DLGAP1: variants seen among roughly 807,000 people sequenced by gnomAD.
DLGAP1 encodes DLG associated protein 1.
Under a neutral mutation model 90.8 loss-of-function variants are expected in DLGAP1, and 11 were observed. The ratio of observed to expected loss-of-function variants is 0.12; its 90% CI spans 0.08 to 0.20. DLGAP1 has a LOEUF of 0.20. Among genes scored for constraint, DLGAP1 ranks in the 10% least tolerant of loss-of-function variants. The pLI, the probability that DLGAP1 is intolerant of heterozygous loss-of-function variation, is 1.00. For missense variants in DLGAP1, 1,050 were observed against 1,333.8 expected (o/e 0.79, Z 3.31); for synonymous variants, 558 against 540.7 (o/e 1.03, Z -0.44).
At chr18:4,300,715 A>ATAAAC (rs2080104253) in intron 1 of DLGAP1, among the ~76,000 whole-genome samples, 1 of 152,122 alleles carries the variant, frequency 6.6e-6, no homozygotes, top group Non-Finnish European at 1.5e-5. Flanking sequence ...ATGGTTATAC[A>ATAAAC]CTTTGAGTTC....
chr18:4,384,135 C>T (rs1265481271), intron 1 of DLGAP1, among the ~76,000 whole-genome samples: 1 of 152,088 alleles, frequency 6.6e-6, no homozygotes, highest in East Asian at 1.9e-4. Flanking sequence ...AATATTCTAT[C>T]TGATGGATAA....
At chr18:4,034,520 T>C (rs1240200922) in intron 2 of DLGAP1, among the ~76,000 whole-genome samples, 3 of 152,190 alleles carry the variant, frequency 2.0e-5, no homozygotes, top group Non-Finnish European at 2.9e-5. Context: ...TTCACAAATA[T>C]ATAGTTGTCA....
chr18:4,052,217 T>A (rs2075144465), intron 2 of DLGAP1, among the ~76,000 whole-genome samples: 1 of 152,234 alleles, frequency 6.6e-6, no homozygotes. Context: ...CTGTGGGGAC[T>A]CTAACCCCAC....
chr18:3,729,100 C>CAGGG lies in DLGAP1; in HGVS notation c.1591+31_1591+34dup, dbSNP rs777697619. ...GGGGACAGTCGTGCCATAGCCAGCA[C>CAGGG]AGGGGCCAGGCTGGCTGAGGGCCCG... On this transcript the variant is annotated intron_variant, in intron 7 of 12. Transcript: ENST00000315677. This position sits in a 1 kb window ranked among gnomAD's most constrained non-coding sequence, Gnocchi z 6.2. 4 of 1,575,148 alleles carry CAGGG rather than the reference C, an allele frequency of 2.5e-6. No homozygotes were observed. The African/African-American group carries it at 4.0e-5, about 16-fold the overall frequency.
At chr18:3,861,097 T>G (rs1038844394) in intron 4 of DLGAP1, among the ~76,000 whole-genome samples, 1 of 152,216 alleles carries the variant, frequency 6.6e-6, no homozygotes, top group Non-Finnish European at 1.5e-5. Context: ...GAATTCCCAT[T>G]TCCTATCAAC....
chr18:4,355,026 G>A lies in DLGAP1; in HGVS notation c.-267+99980C>T, dbSNP rs79553318. ...TCTGGGTCATTCACACATTGCTAGC[G>A]AAAATGTAAAATTGTACAGCCGCTC... is the stretch of plus-strand genomic sequence containing the variant. On this transcript the variant is annotated intron_variant, in intron 1 of 12. Transcript: ENST00000315677. Among the ~76,000 whole-genome samples, 684 of 151,078 alleles carry A rather than the reference G, an allele frequency of 4.5e-3. 4 individuals are homozygous for A. The highest frequency in any genetic ancestry group is 7.8e-3 in the Non-Finnish European group (532 of 67,868).
At chr18:3,740,897 G>GCCACCCATTACCAACACCACCA (rs2062878554) in intron 6 of DLGAP1, among the ~76,000 whole-genome samples, 2 of 108,158 alleles carry the variant, frequency 1.8e-5, no homozygotes, top group African/African-American at 7.3e-5. Context: ...AACCACCACT[G>GCCACCCATTACCAACACCACCA]CCACCCATTA....
intron 2 of DLGAP1, among the ~76,000 whole-genome samples, chr18:4,082,895 C>T (rs932698113): frequency 1.3e-5 from 2 of 152,000 alleles, no homozygotes; most frequent in Non-Finnish European, 2.9e-5. Context: ...TGCACATGGA[C>T]CCCAAGCTTG....
At chr18:4,234,339 C>G (rs1234071756) in intron 1 of DLGAP1, among the ~76,000 whole-genome samples, 15 of 152,082 alleles carry the variant, frequency 9.9e-5, no homozygotes, top group Non-Finnish European at 4.4e-5. Flanking sequence ...ACTAACAAGT[C>G]TTAATAAGCT....
At chr18:3,752,175 CG>C (rs1333311449) in intron 5 of DLGAP1, among the ~76,000 whole-genome samples, 1 of 152,126 alleles carries the variant, frequency 6.6e-6, no homozygotes, top group Non-Finnish European at 1.5e-5. Flanking sequence ...TGAGCCACCA[CG>C]GCCGGCTCAT....
intron 4 of DLGAP1, among the ~76,000 whole-genome samples, chr18:3,814,920 A>G (rs1486511908): frequency 1.3e-5 from 2 of 152,232 alleles, no homozygotes; most frequent in Non-Finnish European, 2.9e-5. Flanking sequence ...TTCAATAACA[A>G]TATTTTATTG....
rs986706740 is a variant in DLGAP1, at chr18:4,242,977, T to C, written c.-266-91690A>G. Among the ~76,000 whole-genome samples, 67 of 152,240 alleles carry C rather than the reference T, an allele frequency of 4.4e-4. 1 individual carries two copies. The highest frequency in any genetic ancestry group is 1.5e-3 in the African/African-American group (62 of 41,546). ...GAGATGCACTGACACAAAGTGGCCATGGAGCAGTCCTCAGTGGCCCTCATC... is the reference window on the plus strand; with the variant it reads ...GAGATGCACTGACACAAAGTGGCCACGGAGCAGTCCTCAGTGGCCCTCATC... On this transcript the variant is annotated intron_variant, in intron 1 of 12. Coordinates refer to ENST00000315677, the MANE Select transcript of DLGAP1 (RefSeq NM_004746.4).
At chr18:3,881,092 C>T (rs1433786898) in intron 3 of DLGAP1, among the ~76,000 whole-genome samples, 4 of 149,564 alleles carry the variant, frequency 2.7e-5, no homozygotes, top group Admixed American at 2.7e-4. Flanking sequence ...TCTCTTGCTT[C>T]TTGGGTCTTA....
At position 3,814,291 on chromosome 18, in the gene DLGAP1, A is replaced by C; in HGVS notation, c.958-18T>G. 6.2e-7 allele frequency: 1 copy of C among 1,601,456 alleles called. No individual in the cohort carries two copies. Among genetic ancestry groups the C allele is most frequent in the South Asian group, 1.1e-5 (1 of 90,186 alleles). ...TGTGGAACCTATTCAGATAGAAAAC[A>C]GATAAATCACTTTTTATAAAAGCCT... On this transcript the variant is annotated intron_variant, in intron 4 of 12. Transcript: ENST00000315677.
At chr18:3,815,831 G>A (rs2067077321) in intron 4 of DLGAP1, among the ~76,000 whole-genome samples, 1 of 152,080 alleles carries the variant, frequency 6.6e-6, no homozygotes, top group Admixed American at 6.5e-5. Flanking sequence ...AGTGGACAGA[G>A]CACTGCACAA....
At chr18:3,805,955 A>G (rs1191508474) in intron 5 of DLGAP1, among the ~76,000 whole-genome samples, 2 of 152,194 alleles carry the variant, frequency 1.3e-5, no homozygotes, top group Non-Finnish European at 2.9e-5. Context: ...TGGTTTATAG[A>G]TAGGAATGTT....
chr18:4,180,615 AG>A (rs2077191184), intron 1 of DLGAP1, among the ~76,000 whole-genome samples: 1 of 152,168 alleles, frequency 6.6e-6, no homozygotes. Flanking sequence ...AAATACAAAA[AG>A]TTTCAATACT....
At chr18:3,520,172 C>A (rs985897562) in intron 10 of DLGAP1, among the ~76,000 whole-genome samples, 10 of 152,164 alleles carry the variant, frequency 6.6e-5, no homozygotes, top group Admixed American at 6.5e-4. Flanking sequence ...TTTCTGCCCC[C>A]ACCCTAGTGT....
intron 2 of DLGAP1, among the ~76,000 whole-genome samples, chr18:4,019,012 C>T (rs1159321893): frequency 6.6e-6 from 1 of 152,160 alleles, no homozygotes; most frequent in Non-Finnish European, 1.5e-5. Context: ...AAGTGAAAAA[C>T]ATCATTGACT....
Sources: gnomAD v4.1 joint callset for allele counts (sites outside exome capture counted in the v4.1 genomes callset) on GRCh38, gnomAD v4.1.1 for gene constraint, Gnocchi (gnomAD v3.1) non-coding constraint, MANE v1.5 for transcripts, NCBI Gene and HGNC (gene_info 2026-07-23, HGNC 2026-07-21) for gene names.